TNIP3: variants seen among roughly 807,000 people sequenced by gnomAD.
TNIP3 encodes the protein TNFAIP3-interacting protein 3.
Under a neutral mutation model 54.1 loss-of-function variants are expected in TNIP3, and 34 were observed. The observed-to-expected ratio is 0.63, with a 90% confidence interval of 0.48 to 0.84. The LOEUF is 0.84. Among genes scored for constraint, TNIP3 ranks in the 40% least tolerant of loss-of-function variants. The probability of loss-of-function intolerance (pLI) is 0.00; values close to 1 mark genes in which losing one functional copy is unlikely to be tolerated. For synonymous variants in TNIP3, 134 were observed against 136.8 expected (o/e 0.98, Z 0.14); for missense variants, 366 against 387.6 (o/e 0.94, Z 0.47).
chr4:121,169,886 C>A (rs1042544240), intron 3 of TNIP3, among the ~76,000 whole-genome samples: 2 of 152,208 alleles, frequency 1.3e-5, no homozygotes, highest in African/African-American at 2.4e-5. Flanking sequence ...AGGTTGTTTG[C>A]AGTCTGTCTT....
upstream of TNIP3, among the ~76,000 whole-genome samples, chr4:121,219,457 T>C (rs1726941864): frequency 6.6e-6 from 1 of 152,216 alleles, no homozygotes; most frequent in Non-Finnish European, 1.5e-5. Flanking sequence ...TCAGTGAAGA[T>C]CATAAGCTGT....
chr4:121,171,889 C>T (rs1303821395), intron 3 of TNIP3, among the ~76,000 whole-genome samples: 1 of 152,130 alleles, frequency 6.6e-6, no homozygotes, highest in African/African-American at 2.4e-5. Context: ...AACCACCACG[C>T]CTGGCTAATT....
chr4:121,152,698 T>G (rs998610181), intron 5 of TNIP3, among the ~76,000 whole-genome samples: 5 of 152,314 alleles, frequency 3.3e-5, no homozygotes, highest in Admixed American at 3.3e-4. Context: ...CCTCCCTCCC[T>G]AAAAATACAT....
rs1207097080 is a variant in TNIP3 at position 121,131,451 on chromosome 4, G to T, written c.*1180C>A. The T allele has an allele frequency of 6.6e-6, 1 of 151,604 alleles. No individual in the cohort carries two copies. Among genetic ancestry groups the T allele is most frequent in the African/African-American group, 2.4e-5 (1 of 41,260 alleles). 9.4% of individuals were successfully genotyped at this position (151,604 alleles called of 1,614,324 possible). The stretch of plus-strand genomic sequence containing the variant: ...TCATTTTAATTGGCTTGAGAAGTCA[G>T]AATTAAGTTTTTCATTAAAATTAAT... On this transcript the variant is annotated 3_prime_UTR_variant, in exon 11 of 11. Coordinates refer to ENST00000057513, the MANE Select transcript of TNIP3 (RefSeq NM_024873.6).
chr4:121,141,030 C>T (rs1729087842), intron 9 of TNIP3, among the ~76,000 whole-genome samples: 3 of 152,144 alleles, frequency 2.0e-5, no homozygotes, highest in African/African-American at 7.2e-5. Context: ...AGGAAAATCC[C>T]AGTTAAAAAT....
intron 3 of TNIP3, among the ~76,000 whole-genome samples, chr4:121,178,522 G>A (rs1373430841): frequency 1.3e-5 from 2 of 152,200 alleles, no homozygotes; most frequent in Admixed American, 6.5e-5. Flanking sequence ...ACAGTGAGTG[G>A]TACCCAAAGG....
chr4:121,135,109 A>G (rs1451759512), intron 10 of TNIP3, among the ~76,000 whole-genome samples: 2 of 152,230 alleles, frequency 1.3e-5, no homozygotes, highest in East Asian at 3.9e-4. Flanking sequence ...GCCAGGGCTT[A>G]GGTCTCCCTG....
intron 10 of TNIP3, among the ~76,000 whole-genome samples, chr4:121,135,390 CTTTTT>C (rs1215995217): frequency 6.6e-6 from 1 of 151,216 alleles, no homozygotes; most frequent in East Asian, 1.9e-4. Flanking sequence ...ACTTCTTCTT[CTTTTT>C]TTTTATTTTT....
At chr4:121,182,777 C>A (rs1160493957) in exon 3 of TNIP3, 1 of 1,533,862 alleles carries the variant, frequency 6.5e-7, no homozygotes, top group Non-Finnish European at 8.7e-7. Context: ...ATTTTTTTGT[C>A]CAGCTCCATG....
chr4:121,203,049 C>T (rs1472150413), intron 2 of TNIP3, among the ~76,000 whole-genome samples: 1 of 152,040 alleles, frequency 6.6e-6, no homozygotes, highest in Non-Finnish European at 1.5e-5. Flanking sequence ...GTAGATCTAC[C>T]ATTTGATCCA....
Position 121,183,120 on chromosome 4 carries a change from C to T in TNIP3, c.69-324G>A, listed in dbSNP as rs749655213. Among the ~76,000 whole-genome samples the T allele has an allele frequency of 7.2e-5, 11 of 152,268 alleles. No individual in the cohort carries two copies. The South Asian group carries it at 1.2e-3, about 17-fold the overall frequency. ...TTTTCTTATTCAATGTGCACAGCAA[C>T]CTATTAAAGTAGTCACTGTCCCAGG... On this transcript the variant is annotated intron_variant, in intron 2 of 12. Coordinates refer to the TNIP3 transcript ENST00000507879.
At chr4:121,180,891 A>G (rs1724654055) in intron 3 of TNIP3, among the ~76,000 whole-genome samples, 1 of 152,078 alleles carries the variant, frequency 6.6e-6, no homozygotes, top group Non-Finnish European at 1.5e-5. Flanking sequence ...CTTGGGTCTC[A>G]CCTCTTACCC....
At chr4:121,198,495 C>G (rs1336466090) in intron 2 of TNIP3, among the ~76,000 whole-genome samples, 1 of 152,070 alleles carries the variant, frequency 6.6e-6, no homozygotes, top group East Asian at 1.9e-4. Context: ...AACTGAGCAC[C>G]TATTATGGGC....
intron 3 of TNIP3, among the ~76,000 whole-genome samples, chr4:121,179,900 A>G (rs1445484212): frequency 6.6e-6 from 1 of 152,170 alleles, no homozygotes; most frequent in Non-Finnish European, 1.5e-5. Flanking sequence ...AAGAAAGTAC[A>G]TGTAGAAAAG....
chr4:121,137,943 C>G (rs1410353283), intron 10 of TNIP3: 1 of 456,032 alleles, frequency 2.2e-6, no homozygotes. Flanking sequence ...TTGATTATAG[C>G]TCAGTTTATA....
chr4:121,132,975 A>G (rs888179665), intron 10 of TNIP3, among the ~76,000 whole-genome samples: 2 of 152,174 alleles, frequency 1.3e-5, no homozygotes, highest in African/African-American at 4.8e-5. Context: ...AAAGTAAGTC[A>G]TATATATGAC....
chr4:121,163,830 C>T (rs1211140471), intron 1 of TNIP3, among the ~76,000 whole-genome samples: 1 of 152,052 alleles, frequency 6.6e-6, no homozygotes, highest in East Asian at 1.9e-4. Flanking sequence ...AAGGAACCCA[C>T]AGAACTGGAA....
rs552541016 is a variant in TNIP3 at position 121,154,578 on chromosome 4, G to A, written c.465C>T (p.Tyr155=). 1.2e-5 allele frequency: 20 copies of A among 1,613,760 alleles called. No individual in the cohort carries two copies. Among genetic ancestry groups the A allele is most frequent in the Middle Eastern group, 1.7e-4 (1 of 6,056 alleles). Reference sequence around the variant, plus strand: ...TATTGAGGCGTTTTATTTCACATTCGTAATGTTCCTTTTCCTTGTTCGCAA... The same window carrying A: ...TATTGAGGCGTTTTATTTCACATTCATAATGTTCCTTTTCCTTGTTCGCAA... ...NTLANKEKEH[Y]ECEIKRLNKA... Residue 155 remains tyrosine (Y), a synonymous_variant, in exon 5 of 11, where the codon TAC becomes TAT. Transcript: ENST00000057513.
chr4:121,173,114 T>C (rs1408064253), intron 3 of TNIP3, among the ~76,000 whole-genome samples: 1 of 152,106 alleles, frequency 6.6e-6, no homozygotes, highest in Non-Finnish European at 1.5e-5. Context: ...CTGGTTTACT[T>C]CCCCCAAAGA....
Sources: gnomAD v4.1 joint callset for allele counts (sites outside exome capture counted in the v4.1 genomes callset) on GRCh38, gnomAD v4.1.1 for gene constraint, MANE v1.5 for transcripts, NCBI Gene and HGNC (gene_info 2026-07-23, HGNC 2026-07-21) for gene names.